Variants in IL17RD observed in about 807,000 individuals in gnomAD.
IL17RD encodes the protein interleukin-17 receptor D.
IL17RD carries 52 observed loss-of-function variants against 80.5 expected under a neutral mutation model. That is an observed-to-expected ratio of 0.65 (90% CI 0.52 to 0.81). IL17RD has a LOEUF of 0.81. Ranked by LOEUF, IL17RD falls within the 40% of genes least tolerant of loss-of-function variation. IL17RD has a pLI of 0.00. For missense variants in IL17RD, 1,024 were observed against 955.1 expected (o/e 1.07, Z -0.95); for synonymous variants, 416 against 391.8 (o/e 1.06, Z -0.73).
At chr3:57,146,021 A>G (rs996557971) in intron 1 of IL17RD, among the ~76,000 whole-genome samples, 1 of 141,112 alleles carries the variant, frequency 7.1e-6, no homozygotes, top group Admixed American at 7.4e-5. Context: ...GTGCGCGCAC[A>G]CACACACTCA....
rs1024645438 is a variant in IL17RD at position 57,102,569 on chromosome 3, G to C, written c.889C>G (p.Pro297Ala). ...ACTGTGATGGCCACGGCTCTGATGG[G>C]CCCGGCCCACGGGGAGTGCACTGGG... The part of the protein sequence containing the change: ...LKPVHSPWAG[P>A]IRAVAITVPL... The change falls in exon 10 of 13, where the codon CCC becomes GCC. Residue 297 changes from proline to alanine, a missense_variant. By Grantham distance (27) the Pro-to-Ala change is conservative. Transcript: ENST00000296318. The C allele has an allele frequency of 6.4e-7, 1 of 1,569,544 alleles. No homozygotes were observed. The highest frequency in any genetic ancestry group is 1.7e-4 in the Middle Eastern group (1 of 5,896).
In IL17RD at chr3:57,110,260, T is replaced by A; in HGVS notation, c.362A>T (p.Glu121Val). The A allele has an allele frequency of 6.2e-7, 1 of 1,609,596 alleles. No homozygotes were observed. The highest frequency in any genetic ancestry group is 8.5e-7 in the Non-Finnish European group (1 of 1,177,832). ...AATCAGTTGTTGGCACTGTCTTCCC[T>A]CCGACTTCAGCTCCTCCAGTATTAC... ...FRVILEELKS[E>V]GRQCQQLILK... is the part of the protein sequence containing the mutation. Residue 121 changes from glutamate to valine, a missense_variant, in exon 4 of 13, where the codon GAG becomes GTG. Transcript: ENST00000296318.
At chr3:57,120,374 C>T in intron 1 of IL17RD, 61 bp from the exon 2 acceptor site, 1 of 1,222,136 alleles carries the variant, frequency 8.2e-7, no homozygotes, top group East Asian at 2.3e-5. Flanking sequence ...CAACACAAAG[C>T]CCCATGGAGT....
At chr3:57,124,999 A>G (rs1437805951) in intron 1 of IL17RD, among the ~76,000 whole-genome samples, 1 of 152,192 alleles carries the variant, frequency 6.6e-6, no homozygotes, top group Non-Finnish European at 1.5e-5. Context: ...TGACCCCCAG[A>G]AGTAGAAAAG....
chr3:57,124,339 T>C (rs1479313782), intron 1 of IL17RD, among the ~76,000 whole-genome samples: 1 of 152,296 alleles, frequency 6.6e-6, no homozygotes, highest in East Asian at 1.9e-4. Flanking sequence ...AAAGGGACTA[T>C]GGAGATGTAA....
intron 1 of IL17RD, among the ~76,000 whole-genome samples, chr3:57,145,243 G>A (rs1226016921): frequency 1.3e-5 from 2 of 152,122 alleles, no homozygotes; most frequent in South Asian, 2.1e-4. Flanking sequence ...CTGATTGATT[G>A]GGCCCTAAAA....
At chr3:57,114,317 C>T (rs1407416529) in intron 3 of IL17RD, among the ~76,000 whole-genome samples, 4 of 152,302 alleles carry the variant, frequency 2.6e-5, no homozygotes, top group Admixed American at 6.5e-5. Context: ...TCTGTGTCCG[C>T]GGAGACTGCT....
At chr3:57,113,519 G>A (rs529714649) in intron 3 of IL17RD, among the ~76,000 whole-genome samples, 1 of 152,114 alleles carries the variant, frequency 6.6e-6, no homozygotes, top group Admixed American at 6.5e-5. Flanking sequence ...TTACAGGCAT[G>A]AGCCACCACG....
upstream of IL17RD, among the ~76,000 whole-genome samples, chr3:57,167,222 C>T (rs1049519194): frequency 1.3e-5 from 2 of 151,946 alleles, no homozygotes; most frequent in African/African-American, 4.8e-5. Flanking sequence ...TACCTCACTG[C>T]CTGGAATTCA....
Position 57,098,166 on chromosome 3 carries a change from A to C in IL17RD, c.1537T>G (p.Ser513Ala). 1.2e-6 allele frequency: 2 copies of C among 1,613,858 alleles called. No homozygotes were observed. The highest frequency in any genetic ancestry group is 1.7e-6 in the Non-Finnish European group (2 of 1,179,842). ...NLPQLCSHLH[S>A]RDHGLQEPGQ... Reference sequence around the variant, plus strand: ...GGCTCCTGGAGGCCGTGGTCTCGGGAGTGCAAGTGGGAACAGAGCTGAGGA... The same window carrying C: ...GGCTCCTGGAGGCCGTGGTCTCGGGCGTGCAAGTGGGAACAGAGCTGAGGA... Residue 513 changes from serine to alanine, a missense_variant, in exon 12 of 13, where the codon TCC becomes GCC. Transcript: ENST00000296318.
intron 1 of IL17RD, 49 bp downstream of exon 1, chr3:57,165,112 C>T (rs2060338288): frequency 6.8e-7 from 1 of 1,467,352 alleles, no homozygotes; most frequent in East Asian, 2.9e-5. Flanking sequence ...GTGCGCGCTG[C>T]GTCCCCCGCG....
intron 1 of IL17RD, among the ~76,000 whole-genome samples, chr3:57,160,000 T>C (rs1424342086): frequency 6.6e-6 from 1 of 152,100 alleles, no homozygotes; most frequent in Non-Finnish European, 1.5e-5. Context: ...GGTGAAACCC[T>C]GTCTCTACTA....
At chr3:57,111,781 AC>A (rs1188573012) in intron 3 of IL17RD, among the ~76,000 whole-genome samples, 1 of 143,282 alleles carries the variant, frequency 7.0e-6, no homozygotes, top group African/African-American at 2.6e-5. Context: ...CCACGGTGAA[AC>A]CCTGTCTCTG....
intron 7 of IL17RD, among the ~76,000 whole-genome samples, chr3:57,105,170 T>C (rs1485807552): frequency 1.3e-5 from 2 of 152,082 alleles, no homozygotes; most frequent in East Asian, 1.9e-4. Flanking sequence ...CTCTGTTTCA[T>C]AGAGTGGTAT....
Position 57,105,983 on chromosome 3 carries a change from G to C in IL17RD, c.621C>G (p.Ile207Met). 6.2e-7 allele frequency: 1 copy of C among 1,613,916 alleles called. No individual in the cohort carries two copies. Among genetic ancestry groups the C allele is most frequent in the South Asian group, 1.1e-5 (1 of 91,068 alleles). The change falls in exon 7 of 13, where the codon ATC (isoleucine) becomes ATG (methionine). Residue 207 changes from isoleucine to methionine, a missense_variant. Ile to Met is a conservative substitution (Grantham distance 10). Transcript: ENST00000296318. ...CCTGCATGTCCGAGCCATGCTGGCT[G>C]ATGTTCAGGTTCCGAGGCTTCCAGA... ...KPFWKPRNLNISQHGSDMQVS... is the reference protein window; with the variant it reads ...KPFWKPRNLNMSQHGSDMQVS...
chr3:57,169,110 G>T (rs971459918), upstream of IL17RD: 2 of 412,404 alleles, frequency 4.8e-6, no homozygotes, highest in East Asian at 1.5e-4. Context: ...AAAATGAGGG[G>T]ACCAGGCCCC....
In IL17RD at chr3:57,110,338, A is replaced by G. The variant is rs1051301906; in HGVS notation, c.311-27T>C. 26 of 1,561,080 alleles carry G rather than the reference A, an allele frequency of 1.7e-5. No homozygotes were observed. In the African/African-American group the frequency reaches 1.8e-4, roughly 11 times the overall value. ...TAAGCAAAGCAGAATGCTTTTATTA[A>G]TAGTGAACCTAATTACTTCTGAACA... On this transcript the variant is annotated intron_variant, in intron 3 of 12. Coordinates refer to ENST00000296318, the MANE Select transcript of IL17RD (RefSeq NM_017563.5).
At chr3:57,116,282 C>CTTTTTTTTTTTTTT (rs66563028) in intron 2 of IL17RD, among the ~76,000 whole-genome samples, 1 of 102,576 alleles carries the variant, frequency 9.7e-6, no homozygotes, top group African/African-American at 3.6e-5. Flanking sequence ...TTTTTCTTTT[C>CTTTTTTTTTTTTTT]TTTTTTTTTT....
At chr3:57,118,930 G>A (rs1707273278) in intron 2 of IL17RD, among the ~76,000 whole-genome samples, 1 of 152,168 alleles carries the variant, frequency 6.6e-6, no homozygotes, top group Non-Finnish European at 1.5e-5. Flanking sequence ...GTGGGGCCAG[G>A]CACAGTGGCT....
Sources: allele counts gnomAD v4.1 joint callset (sites outside exome capture counted in the v4.1 genomes callset), GRCh38; gene constraint gnomAD v4.1.1; transcripts MANE v1.5; gene names NCBI Gene and HGNC (gene_info 2026-07-23, HGNC 2026-07-21).